The following SEMA3A variants were observed in gnomAD, a reference collection of about 807,000 sequenced individuals.
SEMA3A encodes the protein semaphorin 3A.
A neutral mutation model predicts 97.9 loss-of-function variants in SEMA3A; 29 were observed. The observed-to-expected ratio is 0.30, with a 90% CI of 0.22 to 0.40. The LOEUF (loss-of-function observed/expected upper bound fraction) is 0.40, where lower values mean the gene tolerates loss of function less well. SEMA3A is among the 10% of genes least tolerant of loss of function. SEMA3A has a pLI of 1.00. For missense variants in SEMA3A, 763 were observed against 951.3 expected (o/e 0.80, Z 2.60); for synonymous variants, 321 against 323.7 (o/e 0.99, Z 0.09).
chr7:83,971,240 C>T (rs923259236), intron 15 of SEMA3A, among the ~76,000 whole-genome samples: 17 of 152,102 alleles, frequency 1.1e-4, no homozygotes, highest in Admixed American at 4.6e-4. Flanking sequence ...GCCTGACCAA[C>T]GTGATGAAAC....
rs1330556742 is a variant in SEMA3A at position 83,958,755 on chromosome 7, GTGCATTTACA to G, written c.*2606_*2615del. The G allele has an allele frequency of 5.2e-5, 8 of 152,522 alleles. No individual in the cohort carries two copies. The East Asian group carries it at 1.5e-3, about 29-fold the overall frequency. The allele number at this position is 152,522 out of a possible 1,614,324, so 9.4% of individuals were successfully genotyped here. A position where few individuals can be genotyped will look rare whatever the true frequency, so the allele number is the denominator to read the frequency against. ...TACTAAATAATACATAAAATGAAGT[GTGCATTTACA>G]TGCATTTACATTTTACATTTGATAT... is the stretch of plus-strand genomic sequence containing the variant. On this transcript the variant is annotated 3_prime_UTR_variant, in exon 17 of 17. Coordinates refer to ENST00000265362, the MANE Select transcript of SEMA3A (RefSeq NM_006080.3).
intron 1 of SEMA3A, among the ~76,000 whole-genome samples, chr7:84,424,811 C>T (rs1485221437): frequency 2.1e-5 from 2 of 93,850 alleles, no homozygotes; most frequent in African/African-American, 8.7e-5. Flanking sequence ...TACAAATATA[C>T]ATATATAATA....
At chr7:84,280,831 T>G (rs1399745266) in intron 3 of SEMA3A, among the ~76,000 whole-genome samples, 1 of 152,094 alleles carries the variant, frequency 6.6e-6, no homozygotes, top group Non-Finnish European at 1.5e-5. Flanking sequence ...ATATAAAAAT[T>G]GCATTGGCAT....
intron 1 of SEMA3A, among the ~76,000 whole-genome samples, chr7:84,150,384 C>T (rs141153957): frequency 0.016 from 2,486 of 152,254 alleles, 70 homozygotes; most frequent in African/African-American, 0.056. Context: ...TGGGTGCGCA[C>T]ACTGTGCGCG....
chr7:84,075,046 G>A (rs982638262), intron 4 of SEMA3A, among the ~76,000 whole-genome samples: 1 of 151,900 alleles, frequency 6.6e-6, no homozygotes, highest in Non-Finnish European at 1.5e-5. Context: ...TGTTTCTAGA[G>A]AATCTCTACT....
intron 1 of SEMA3A, among the ~76,000 whole-genome samples, chr7:84,477,363 T>C (rs543675315): frequency 7.5e-6 from 1 of 134,204 alleles, no homozygotes; most frequent in South Asian, 2.3e-4. Flanking sequence ...CACCTGAACC[T>C]GGGAGGCAGA....
At chr7:84,236,377 T>C (rs1799236293) in intron 3 of SEMA3A, among the ~76,000 whole-genome samples, 2 of 152,116 alleles carry the variant, frequency 1.3e-5, no homozygotes, top group African/African-American at 4.8e-5. Context: ...AGATATCCAA[T>C]ATAACCTCCT....
chr7:84,020,700 C>T (rs891673174), intron 6 of SEMA3A, among the ~76,000 whole-genome samples: 1 of 151,996 alleles, frequency 6.6e-6, no homozygotes, highest in African/African-American at 2.4e-5. Flanking sequence ...TTTTTCACTG[C>T]TCTAAATTTA....
At chr7:84,345,002 C>T (rs916649683) in intron 2 of SEMA3A, among the ~76,000 whole-genome samples, 1 of 152,122 alleles carries the variant, frequency 6.6e-6, no homozygotes, top group African/African-American at 2.4e-5. Context: ...ACTATTTAAA[C>T]AGTGTCTAAA....
chr7:84,295,571 C>A (rs991485530), intron 3 of SEMA3A, among the ~76,000 whole-genome samples: 11 of 151,928 alleles, frequency 7.2e-5, no homozygotes, highest in African/African-American at 2.7e-4. Flanking sequence ...CCTTTCTTTT[C>A]TCAATTCTTT....
At chr7:84,379,846 A>T (rs1488768498) in intron 1 of SEMA3A, among the ~76,000 whole-genome samples, 3 of 152,184 alleles carry the variant, frequency 2.0e-5, no homozygotes, top group African/African-American at 4.8e-5. Flanking sequence ...AATTAGGGAC[A>T]ATTTGTTACA....
At chr7:84,403,316 G>C (rs1282638223) in intron 1 of SEMA3A, among the ~76,000 whole-genome samples, 1 of 152,214 alleles carries the variant, frequency 6.6e-6, no homozygotes, top group Non-Finnish European at 1.5e-5. Flanking sequence ...AGCAGTCTGA[G>C]ATCAAACTGC....
intron 1 of SEMA3A, among the ~76,000 whole-genome samples, chr7:84,193,249 A>G (rs1798105705): frequency 6.6e-6 from 1 of 152,018 alleles, no homozygotes; most frequent in South Asian, 2.1e-4. Context: ...AAGTGTGAAA[A>G]TTACATCTCT....
intron 1 of SEMA3A, among the ~76,000 whole-genome samples, chr7:84,167,431 T>C (rs1302758769): frequency 6.6e-6 from 1 of 152,220 alleles, no homozygotes; most frequent in African/African-American, 2.4e-5. Context: ...CCTGGTATCA[T>C]AACTCTTTTC....
intron 3 of SEMA3A, among the ~76,000 whole-genome samples, chr7:84,210,069 C>T (rs1408359340): frequency 6.6e-6 from 1 of 151,922 alleles, no homozygotes; most frequent in Non-Finnish European, 1.5e-5. Flanking sequence ...GAAAGAAAAC[C>T]AATATTATTG....
At chr7:84,015,998 C>G (rs531224248) in intron 6 of SEMA3A, among the ~76,000 whole-genome samples, 75 of 152,190 alleles carry the variant, frequency 4.9e-4, no homozygotes, top group Admixed American at 1.9e-3. Context: ...ATACAATACT[C>G]TAACCTGGAT....
At chr7:84,359,817 C>G (rs1802664202) in intron 2 of SEMA3A, among the ~76,000 whole-genome samples, 1 of 152,008 alleles carries the variant, frequency 6.6e-6, no homozygotes, top group African/African-American at 2.4e-5. Flanking sequence ...AATTTCAGAG[C>G]CTGTTATTGG....
intron 4 of SEMA3A, among the ~76,000 whole-genome samples, chr7:84,076,585 C>T (rs1335639141): frequency 3.9e-5 from 6 of 152,034 alleles, no homozygotes. Flanking sequence ...TATATTAGAT[C>T]CCGAATTCAC....
chr7:84,435,602 G>A (rs902873236), intron 1 of SEMA3A, among the ~76,000 whole-genome samples: 1 of 151,718 alleles, frequency 6.6e-6, no homozygotes, highest in East Asian at 1.9e-4. Flanking sequence ...GAGAAATTCT[G>A]TCAAAACAAA....
Sources: allele counts gnomAD v4.1 joint callset (sites outside exome capture counted in the v4.1 genomes callset), GRCh38; gene constraint gnomAD v4.1.1; transcripts MANE v1.5; gene names NCBI Gene and HGNC (gene_info 2026-07-23, HGNC 2026-07-21).